The following IL4I1 variants were observed in gnomAD, a reference collection of about 807,000 sequenced individuals.
The protein encoded by IL4I1 is interleukin 4 induced 1, also known as L-amino-acid oxidase.
In IL4I1, 24 loss-of-function variants were observed where a neutral mutation model predicts 29.7. The ratio of observed to expected loss-of-function variants is 0.81; its 90% CI spans 0.59 to 1.14. IL4I1 has a LOEUF of 1.14. Ranked by LOEUF, IL4I1 falls within the 50% of genes most tolerant of loss-of-function variation. The probability of loss-of-function intolerance (pLI) is 0.00; values close to 1 mark genes in which losing one functional copy is unlikely to be tolerated. For synonymous variants in IL4I1, 371 were observed against 352.5 expected, an observed-to-expected ratio of 1.05 and a Z score of -0.59; for missense variants, 686 against 785.6, an observed-to-expected ratio of 0.87 and a Z score of 1.52.
At position 49,889,798 on chromosome 19, in the gene IL4I1, C is replaced by T. The variant is rs2075104293; in HGVS notation, c.1576G>A (p.Gly526Arg). The change falls in exon 8 of 8, where the codon GGG becomes AGG. Residue 526 changes from glycine (G) to arginine (R), a missense_variant. Transcript: ENST00000391826. ...GCCACCCCATGCACATGCCCCTGCC[C>T]CTCCATGTCAGATGCGTGCCCCTCG... Reference protein sequence around the residue: ...SPEGHASDMEGQGHVHGVASS... With the variant: ...SPEGHASDMERQGHVHGVASS... 2 of 1,542,194 alleles carry T rather than the reference C, an allele frequency of 1.3e-6. No homozygotes were observed. Among genetic ancestry groups the T allele is most frequent in the African/African-American group, 2.8e-5 (2 of 72,518 alleles).
chr19:49,912,613 C>T (rs1412125284), intron 2 of IL4I1, among the ~76,000 whole-genome samples: 2 of 152,144 alleles, frequency 1.3e-5, no homozygotes, highest in East Asian at 3.9e-4. Context: ...CCTGTAATCC[C>T]AGCACTTTGG....
chr19:49,920,951 G>A (rs1422140176), intron 2 of IL4I1, among the ~76,000 whole-genome samples: 2 of 152,158 alleles, frequency 1.3e-5, no homozygotes, highest in Non-Finnish European at 1.5e-5. Context: ...GGCCCAGGCC[G>A]GGCTGTGGTG....
chr19:49,908,443 G>A (rs1568697899), intron 2 of IL4I1: 5 of 1,614,140 alleles, frequency 3.1e-6, no homozygotes, highest in Non-Finnish European at 3.4e-6. Flanking sequence ...TCAGGTGCTC[G>A]ATGATGTCCT....
At chr19:49,894,812 C>T (rs1017542503) in intron 4 of IL4I1, among the ~76,000 whole-genome samples, 1 of 151,944 alleles carries the variant, frequency 6.6e-6, no homozygotes, top group Non-Finnish European at 1.5e-5. Context: ...AGCTGCAGGC[C>T]TGGAGGGGCC....
At chr19:49,894,958 G>A in intron 4 of IL4I1, 110 bp downstream of exon 4, 2 of 782,232 alleles carry the variant, frequency 2.6e-6, no homozygotes, top group Non-Finnish European at 4.2e-6. Flanking sequence ...GGATGGGGTT[G>A]GAGGCTGGGT....
chr19:49,918,791 C>T (rs577484217), intron 2 of IL4I1, among the ~76,000 whole-genome samples: 20 of 151,896 alleles, frequency 1.3e-4, no homozygotes, highest in African/African-American at 4.1e-4. Flanking sequence ...CCCAGGAGGC[C>T]GCACCACCCT....
chr19:49,905,627 G>A (rs563245985), intron 2 of IL4I1, among the ~76,000 whole-genome samples: 6 of 152,090 alleles, frequency 3.9e-5, no homozygotes, highest in Non-Finnish European at 7.4e-5. Context: ...ACGAAGTTTC[G>A]CTTTTGTTGC....
chr19:49,913,625 A>G (rs536880314), intron 2 of IL4I1, among the ~76,000 whole-genome samples: 1 of 152,208 alleles, frequency 6.6e-6, no homozygotes, highest in Non-Finnish European at 1.5e-5. Context: ...GAGAGCTGGA[A>G]GCTCGTGCCT....
upstream of IL4I1, chr19:49,901,577 T>C: frequency 8.4e-7 from 1 of 1,187,446 alleles, no homozygotes; most frequent in Non-Finnish European, 1.1e-6. Context: ...AGGGTCCCCC[T>C]TCCCATGGAA....
intron 2 of IL4I1, chr19:49,908,864 C>T (rs2075383795): frequency 1.9e-6 from 3 of 1,611,560 alleles, no homozygotes; most frequent in Non-Finnish European, 2.5e-6. Flanking sequence ...TGCGCCAGGG[C>T]CAGGTGGAGC....
At position 49,894,259 on chromosome 19, in the gene IL4I1, G is replaced by A. The variant is rs73934059; in HGVS notation, c.567+9C>T. 101 of 1,611,752 alleles carry A rather than the reference G, an allele frequency of 6.3e-5. No homozygotes were observed. In the African/African-American group the frequency reaches 1.2e-3, roughly 19 times the overall value. ...GTCAGGGCGGGAGGAGGGTGCAGGC[G>A]GTACCCACCTGGTTGAGAGCCATCT... On this transcript the variant is annotated intron_variant, in intron 5 of 7. Transcript: ENST00000391826.
chr19:49,920,321 T>C (rs1202948435), intron 2 of IL4I1, among the ~76,000 whole-genome samples: 3 of 152,176 alleles, frequency 2.0e-5, no homozygotes, highest in African/African-American at 7.2e-5. Context: ...GACCTTGAGA[T>C]CCGCCCACCT....
chr19:49,927,188 C>T lies in IL4I1; in HGVS notation c.-228+506G>A, dbSNP rs79431416. Among the ~76,000 whole-genome samples the T allele has an allele frequency of 6.4e-3, 980 of 152,082 alleles. 4 individuals carry two copies. The highest frequency in any genetic ancestry group is 0.01 in the Non-Finnish European group (696 of 67,970). On this transcript the variant is annotated intron_variant, in intron 2 of 9. Coordinates refer to the IL4I1 transcript ENST00000341114. The stretch of plus-strand genomic sequence containing the variant: ...GAGGTAGGTATTCTTAATGCCACTT[C>T]GTACCACAGGGGAAACTGAGGCACA...
At chr19:49,895,707 A>G in intron 3 of IL4I1, 108 bp downstream of exon 3, 2 of 513,086 alleles carry the variant, frequency 3.9e-6, no homozygotes, top group South Asian at 3.3e-5. Flanking sequence ...CTCCCCCCAC[A>G]TCCCCACCTC....
At chr19:49,927,250 AG>A (rs1397112343) in intron 2 of IL4I1, among the ~76,000 whole-genome samples, 5 of 152,116 alleles carry the variant, frequency 3.3e-5, no homozygotes, top group Non-Finnish European at 7.4e-5. Flanking sequence ...AGCTAGTAAG[AG>A]GGGTGCAGTC....
chr19:49,903,889 G>GA, intron 3 of IL4I1, among the ~76,000 whole-genome samples: 1 of 136,428 alleles, frequency 7.3e-6, no homozygotes, highest in Admixed American at 7.9e-5. Flanking sequence ...ACCCAGGCTG[G>GA]AGTGCAGTGG....
At chr19:49,901,645 G>C (rs2075273001), upstream of IL4I1, 1 of 1,521,756 alleles carries the variant, frequency 6.6e-7, no homozygotes, top group South Asian at 1.3e-5. Flanking sequence ...TCACTGCATG[G>C]CTGCCTCTGG....
At chr19:49,918,898 G>T (rs1283132601) in intron 2 of IL4I1, among the ~76,000 whole-genome samples, 1 of 71,274 alleles carries the variant, frequency 1.4e-5, no homozygotes. Context: ...GGGAGGCTGG[G>T]GGGGGGGGGG....
intron 2 of IL4I1, among the ~76,000 whole-genome samples, chr19:49,916,115 T>C (rs1464987801): frequency 6.6e-6 from 1 of 152,132 alleles, no homozygotes; most frequent in African/African-American, 2.4e-5. Context: ...AAGTGCAGAC[T>C]CCCCAAGGCC....
Sources: allele counts gnomAD v4.1 joint callset (sites outside exome capture counted in the v4.1 genomes callset), GRCh38; gene constraint gnomAD v4.1.1; transcripts MANE v1.5; gene names NCBI Gene and HGNC (gene_info 2026-07-23, HGNC 2026-07-21).